The following VCAN variants were observed in gnomAD, a reference collection of about 807,000 sequenced individuals.
The protein encoded by VCAN is versican, also known as versican core protein.
Under a neutral mutation model 245.5 loss-of-function variants are expected in VCAN, and 44 were observed. The observed-to-expected ratio is 0.18, with a 90% CI of 0.14 to 0.23. VCAN has a LOEUF of 0.23. Among genes scored for constraint, VCAN ranks in the 10% least tolerant of loss-of-function variants. VCAN has a pLI of 1.00. For synonymous variants in VCAN, 1,413 were observed against 1,437.0 expected (o/e 0.98, Z 0.38); for missense variants, 3,793 against 4,057.9 (o/e 0.93, Z 1.77).
chr5:83,473,169 G>A (rs13160511), intron 1 of VCAN, among the ~76,000 whole-genome samples: 38,259 of 152,226 alleles, frequency 0.25, 6,004 homozygotes, highest in Non-Finnish European at 0.36. Flanking sequence ...AGGCGTGGGC[G>A]CTGTAGGGCG....
intron 7 of VCAN, among the ~76,000 whole-genome samples, chr5:83,532,749 C>T (rs190420286): frequency 1.3e-4 from 19 of 151,964 alleles, no homozygotes; most frequent in Admixed American, 3.3e-4. Flanking sequence ...CAAGTTGTCG[C>T]GAACTTATTT....
intron 7 of VCAN, among the ~76,000 whole-genome samples, chr5:83,524,459 T>C (rs310504): frequency 0.26 from 40,016 of 151,888 alleles, 5,688 homozygotes; most frequent in East Asian, 0.4. Context: ...TGTGTATATG[T>C]GTGTACAACA....
chr5:83,544,767 A>G (rs1474816825), intron 8 of VCAN, among the ~76,000 whole-genome samples: 1 of 152,146 alleles, frequency 6.6e-6, no homozygotes, highest in Non-Finnish European at 1.5e-5. Flanking sequence ...CACTTAGAAA[A>G]TATATTTAAA....
intron 3 of VCAN, among the ~76,000 whole-genome samples, chr5:83,491,288 A>G (rs1744971876): frequency 6.6e-6 from 1 of 152,234 alleles, no homozygotes; most frequent in African/African-American, 2.4e-5. Context: ...ATACCCAGAC[A>G]TGATGGAACA....
At chr5:83,500,142 G>A (rs746969158) in intron 5 of VCAN, among the ~76,000 whole-genome samples, 19 of 152,074 alleles carry the variant, frequency 1.2e-4, no homozygotes, top group Non-Finnish European at 1.8e-4. Context: ...AGTGATTTGC[G>A]TCCTTACTGG....
intron 10 of VCAN, among the ~76,000 whole-genome samples, chr5:83,550,887 C>CAAAAAAAAAAA (rs57081110): frequency 2.0e-5 from 1 of 50,092 alleles, no homozygotes; most frequent in Non-Finnish European, 3.3e-5. Flanking sequence ...GACTCCATCT[C>CAAAAAAAAAAA]AAAAAAAAAA....
Position 83,541,052 on chromosome 5 carries a change from A to G in VCAN, c.8049A>G (p.Leu2683=). The G allele has an allele frequency of 2.5e-6, 4 of 1,614,100 alleles. No individual in the cohort carries two copies. Among genetic ancestry groups the G allele is most frequent in the Non-Finnish European group, 3.4e-6 (4 of 1,179,990 alleles). The change falls in exon 8 of 15, where the codon TTA becomes TTG. Residue 2683 remains leucine (L), a synonymous_variant. Transcript: ENST00000265077. ...GIPAPSTETE[L]DVLLPTATSL... ...CTGCTCCTAGCACAGAAACAGAATTAGACGTTTTACTTCCCACGGCAACAT... is the reference window on the plus strand; with the variant it reads ...CTGCTCCTAGCACAGAAACAGAATTGGACGTTTTACTTCCCACGGCAACAT...
intron 2 of VCAN, among the ~76,000 whole-genome samples, chr5:83,487,495 C>A (rs1188886620): frequency 6.6e-6 from 1 of 152,176 alleles, no homozygotes; most frequent in Admixed American, 6.5e-5. Flanking sequence ...TTTAAACATG[C>A]ATACTCTGTA....
chr5:83,557,566 A>G (rs1252409617), intron 12 of VCAN, among the ~76,000 whole-genome samples: 1 of 152,156 alleles, frequency 6.6e-6, no homozygotes, highest in African/African-American at 2.4e-5. Flanking sequence ...AAAGCAAGGC[A>G]ACTCAACTAG....
chr5:83,477,688 C>T (rs1199184067), intron 1 of VCAN, among the ~76,000 whole-genome samples: 1 of 152,048 alleles, frequency 6.6e-6, no homozygotes, highest in Non-Finnish European at 1.5e-5. Flanking sequence ...ATTTGGAAAA[C>T]ATCTACGACA....
At chr5:83,499,375 T>C (rs1027604811) in intron 5 of VCAN, among the ~76,000 whole-genome samples, 7 of 152,170 alleles carry the variant, frequency 4.6e-5, no homozygotes, top group South Asian at 2.1e-4. Flanking sequence ...CCTGTTCCAA[T>C]TGCAGACACG....
Position 83,571,817 on chromosome 5 carries a change from G to C in VCAN, c.9736-599G>C, listed in dbSNP as rs570798374. Reference sequence around the variant, plus strand: ...ATCTAAAACAAACTAGCTTTGAAAGGTTGTATATAAAATGATTAGCATAGG... The same window carrying C: ...ATCTAAAACAAACTAGCTTTGAAAGCTTGTATATAAAATGATTAGCATAGG... On this transcript the variant is annotated intron_variant, in intron 12 of 14. Transcript: ENST00000265077. Among the ~76,000 whole-genome samples the C allele has an allele frequency of 2.6e-5, 4 of 152,222 alleles. No homozygotes were observed. The East Asian group carries it at 7.7e-4, about 29-fold the overall frequency.
intron 6 of VCAN, among the ~76,000 whole-genome samples, chr5:83,517,447 T>C (rs6869744): frequency 0.17 from 26,110 of 152,148 alleles, 2,733 homozygotes; most frequent in African/African-American, 0.28. Context: ...TGCTGTTTGC[T>C]AAGTATTTAT....
In VCAN at chr5:83,540,814, A is replaced by C; in HGVS notation, c.7811A>C (p.Glu2604Ala). Residue 2604 changes from glutamate to alanine, a missense_variant, in exon 8 of 15, where the codon GAA becomes GCA. Coordinates refer to ENST00000265077, the MANE Select transcript of VCAN (RefSeq NM_004385.5). ...QTDIDTEVPS[E>A]PHDSNDESND... The stretch of plus-strand genomic sequence containing the variant: ...GATATAGATACAGAGGTACCATCAG[A>C]ACCACATGACAGTAATGATGAAAGT... 6.2e-7 allele frequency: 1 copy of C among 1,614,040 alleles called. No individual in the cohort carries two copies. Among genetic ancestry groups the C allele is most frequent in the Non-Finnish European group, 8.5e-7 (1 of 1,179,970 alleles).
At chr5:83,564,083 T>C (rs1326001042) in intron 12 of VCAN, among the ~76,000 whole-genome samples, 1 of 152,180 alleles carries the variant, frequency 6.6e-6, no homozygotes, top group Non-Finnish European at 1.5e-5. Flanking sequence ...TGCAGTCAGG[T>C]TGGTAAATAC....
In VCAN at chr5:83,472,389, T is replaced by A. The variant is rs371963873; in HGVS notation, c.-7+366T>A. ...AGAGAGGGACCTTTGGCACTTTGATTTTTTTGTTGTTGTTGTTCTTAACAC... is the reference window on the plus strand; with the variant it reads ...AGAGAGGGACCTTTGGCACTTTGATATTTTTGTTGTTGTTGTTCTTAACAC... On this transcript the variant is annotated intron_variant, in intron 1 of 14. Coordinates refer to ENST00000265077, the MANE Select transcript of VCAN (RefSeq NM_004385.5). 3.3e-5 allele frequency among the ~76,000 whole-genome samples: 5 copies of A among 152,232 alleles called. No homozygotes were observed. The East Asian group carries it at 7.7e-4, about 24-fold the overall frequency.
intron 10 of VCAN, 60 bp from the exon 11 acceptor site, chr5:83,553,302 TGG>T (rs1747540921): frequency 1.9e-6 from 3 of 1,602,084 alleles, no homozygotes; most frequent in Non-Finnish European, 2.6e-6. Context: ...AACACTTGGT[TGG>T]GGGTGCCAAG....
chr5:83,577,426 A>G (rs940800624), intron 13 of VCAN, among the ~76,000 whole-genome samples: 1 of 152,178 alleles, frequency 6.6e-6, no homozygotes, highest in Non-Finnish European at 1.5e-5. Flanking sequence ...GTACCCTCCA[A>G]TGAAAATCAC....
chr5:83,537,832 A>G lies in VCAN; in HGVS notation c.4829A>G (p.Asp1610Gly). 1 of 1,614,026 alleles carries G rather than the reference A, an allele frequency of 6.2e-7. No individual in the cohort carries two copies. Among genetic ancestry groups the G allele is most frequent in the Non-Finnish European group, 8.5e-7 (1 of 1,179,948 alleles). The change falls in exon 8 of 15, where the codon GAT (aspartate) becomes GGT (glycine). Residue 1610 changes from aspartate (D) to glycine (G), a missense_variant. Around this residue, in one of 5 missense-constraint regions of VCAN, gnomAD observed 3,182 missense variants for 3,250.3 expected, o/e 0.98. Coordinates refer to ENST00000265077, the MANE Select transcript of VCAN (RefSeq NM_004385.5). ...AVTLIGNPWP[D>G]DLLSTKESWV... ...ACCCTAATAGGAAATCCTTGGCCAG[A>G]TGACCTGTTGTCTACCAAAGAAAGC...
Sources: gnomAD v4.1 joint callset for allele counts (sites outside exome capture counted in the v4.1 genomes callset) on GRCh38, gnomAD v4.1.1 for gene constraint, gnomAD v4.1.1 regional missense constraint, MANE v1.5 for transcripts, NCBI Gene and HGNC (gene_info 2026-07-23, HGNC 2026-07-21) for gene names.